Variants in ARMC9 observed in about 807,000 individuals in gnomAD.
ARMC9 encodes the protein armadillo repeat containing 9.
Under a neutral mutation model 107.0 loss-of-function variants are expected in ARMC9, and 94 were observed. That is an observed-to-expected ratio of 0.88 (90% CI 0.74 to 1.04). ARMC9 has a LOEUF of 1.04. Among genes scored for constraint, ARMC9 ranks in the 50% least tolerant of loss-of-function variants. The probability of loss-of-function intolerance (pLI) is 0.00; values close to 1 mark genes in which losing one functional copy is unlikely to be tolerated. For synonymous variants in ARMC9, 380 were observed against 396.9 expected (o/e 0.96, Z 0.51); for missense variants, 942 against 1,030.1 (o/e 0.91, Z 1.17).
chr2:231,228,640 C>CA (rs1437019036), intron 7 of ARMC9, among the ~76,000 whole-genome samples: 1 of 152,216 alleles, frequency 6.6e-6, no homozygotes, highest in African/African-American at 2.4e-5. Flanking sequence ...AAGGCCCCCT[C>CA]ACCTTCAGAG....
intron 19 of ARMC9, among the ~76,000 whole-genome samples, chr2:231,302,154 A>AT (rs1333635823): frequency 6.6e-6 from 1 of 152,096 alleles, no homozygotes; most frequent in East Asian, 1.9e-4. Context: ...AGAAAAACAT[A>AT]TATGTTTATA....
chr2:231,243,999 C>T (rs566841825), intron 9 of ARMC9, among the ~76,000 whole-genome samples: 9 of 152,240 alleles, frequency 5.9e-5, no homozygotes, highest in East Asian at 5.8e-4. Flanking sequence ...AAAATAAGTA[C>T]GTGGCACAGA....
intron 12 of ARMC9, among the ~76,000 whole-genome samples, chr2:231,263,096 G>C (rs2038532353): frequency 6.6e-6 from 1 of 152,206 alleles, no homozygotes; most frequent in South Asian, 2.1e-4. Flanking sequence ...CTGGACAGGA[G>C]GAGGATCAGG....
At chr2:231,232,981 G>A (rs921270829) in intron 7 of ARMC9, among the ~76,000 whole-genome samples, 22 of 152,134 alleles carry the variant, frequency 1.4e-4, no homozygotes, top group African/African-American at 5.3e-4. Flanking sequence ...CTACTGAGTA[G>A]CTGGGACTAC....
chr2:231,329,763 A>T (rs1019628727), intron 19 of ARMC9, among the ~76,000 whole-genome samples: 3 of 152,100 alleles, frequency 2.0e-5, no homozygotes, highest in Non-Finnish European at 2.9e-5. Context: ...ACAGAAATTG[A>T]TTTTATATGT....
chr2:231,249,109 G>A (rs759650832), intron 9 of ARMC9, among the ~76,000 whole-genome samples: 33 of 152,280 alleles, frequency 2.2e-4, no homozygotes, highest in African/African-American at 7.5e-4. Flanking sequence ...GCCTCTCCTG[G>A]GGTCTGGCCC....
chr2:231,345,180 TA>T, intron 21 of ARMC9, 90 bp downstream of exon 21: 1 of 1,555,518 alleles, frequency 6.4e-7, no homozygotes, highest in Non-Finnish European at 8.6e-7. Flanking sequence ...AAATTCAAAA[TA>T]AAGCATTCAT....
intron 24 of ARMC9, 143 bp from the exon 25 acceptor site, chr2:231,371,370 A>C (rs2046014718): frequency 9.9e-7 from 1 of 1,013,464 alleles, no homozygotes; most frequent in Non-Finnish European, 1.4e-6. Flanking sequence ...CCGCCAGTCG[A>C]GCCCAGGCCA....
In ARMC9 at chr2:231,206,246, A is replaced by C; in HGVS notation, c.8A>C (p.Asp3Ala). The C allele has an allele frequency of 6.2e-7, 1 of 1,613,752 alleles. No individual in the cohort carries two copies. Among genetic ancestry groups the C allele is most frequent in the Non-Finnish European group, 8.5e-7 (1 of 1,179,676 alleles). Residue 3 changes from aspartate (D) to alanine (A), a missense_variant, in exon 2 of 25, where the codon GAC becomes GCC. Physicochemically the swap from Asp to Ala is moderately radical, Grantham distance 126 (BLOSUM62 -2). Transcript: ENST00000611582. Reference sequence around the variant, plus strand: ...TACCAGTAACAGTTCAATATGGGGGACATTCTGGCTCATGAATCTGAATTA... The same window carrying C: ...TACCAGTAACAGTTCAATATGGGGGCCATTCTGGCTCATGAATCTGAATTA... MG[D>A]ILAHESELLG...
At chr2:231,278,537 AG>A (rs1483535871) in intron 16 of ARMC9, 79 bp downstream of exon 16, 1 of 1,285,422 alleles carries the variant, frequency 7.8e-7, no homozygotes, top group Non-Finnish European at 1.1e-6. Context: ...ACAGGCACAC[AG>A]CTGGCCCAGG....
intron 19 of ARMC9, among the ~76,000 whole-genome samples, chr2:231,304,264 C>T (rs559802385): frequency 6.6e-6 from 1 of 152,264 alleles, no homozygotes; most frequent in African/African-American, 2.4e-5. Context: ...TATTGCTTTT[C>T]TTACTTCCCA....
At chr2:231,242,373 A>T (rs552292841) in intron 9 of ARMC9, among the ~76,000 whole-genome samples, 3 of 152,312 alleles carry the variant, frequency 2.0e-5, no homozygotes, top group African/African-American at 7.2e-5. Flanking sequence ...GGACAGACAG[A>T]TGGTAGAAGC....
At chr2:231,285,220 C>T (rs1430714644) in intron 17 of ARMC9, among the ~76,000 whole-genome samples, 2 of 151,934 alleles carry the variant, frequency 1.3e-5, no homozygotes, top group South Asian at 2.1e-4. Flanking sequence ...AAAATTATAG[C>T]GGTCTTGGTC....
intron 11 of ARMC9, 123 bp downstream of exon 11, chr2:231,259,225 A>G (rs765641937): frequency 4.8e-6 from 4 of 840,804 alleles, no homozygotes; most frequent in Non-Finnish European, 7.3e-6. Flanking sequence ...CTGTCTGCTG[A>G]CACCAAGAAC....
In ARMC9 at chr2:231,376,798, G is replaced by A. The variant is rs186467473; in HGVS notation, c.*5263G>A. On this transcript the variant is annotated 3_prime_UTR_variant, in exon 25 of 25. Coordinates refer to ENST00000611582, the MANE Select transcript of ARMC9 (RefSeq NM_001352754.2). ...GTTTTTGTGGCTTGTGGGGCATCAC[G>A]GATCCTACCAACGTGTGATGTCTCC... 7.7e-3 allele frequency among the ~76,000 whole-genome samples: 1,174 copies of A among 152,098 alleles called. 12 individuals carry two copies. The highest frequency in any genetic ancestry group is 0.027 in the African/African-American group (1,122 of 41,470).
At chr2:231,355,704 C>T (rs2045312908) in intron 21 of ARMC9, 94 bp from the exon 22 acceptor site, 41 of 1,391,054 alleles carry the variant, frequency 2.9e-5, no homozygotes, top group Non-Finnish European at 3.8e-5. Flanking sequence ...TGAGGCACCG[C>T]CCCCTCCTGT....
intron 18 of ARMC9, among the ~76,000 whole-genome samples, chr2:231,292,329 C>G (rs192440383): frequency 1.3e-5 from 2 of 152,268 alleles, no homozygotes; most frequent in East Asian, 3.9e-4. Context: ...GTGGCCTCTC[C>G]CTTTCCCCTC....
chr2:231,216,549 A>C (rs1407986946), intron 4 of ARMC9, 89 bp from the exon 5 acceptor site: 1 of 1,438,784 alleles, frequency 7.0e-7, no homozygotes, highest in Non-Finnish European at 9.4e-7. Flanking sequence ...CACGACTGGG[A>C]CAGAAGGAGC....
intron 4 of ARMC9, among the ~76,000 whole-genome samples, 166 bp from the exon 5 acceptor site, chr2:231,216,472 A>G (rs576475274): frequency 1.3e-5 from 2 of 152,214 alleles, no homozygotes; most frequent in African/African-American, 4.8e-5. Flanking sequence ...TTAAGGGGGA[A>G]ATTTAGGGTG....
Sources: allele counts gnomAD v4.1 joint callset (sites outside exome capture counted in the v4.1 genomes callset), GRCh38; gene constraint gnomAD v4.1.1; transcripts MANE v1.5; gene names NCBI Gene and HGNC (gene_info 2026-07-23, HGNC 2026-07-21).